The following ZPLD1 variants were observed in gnomAD, a reference collection of about 807,000 sequenced individuals.
The protein encoded by ZPLD1 is zona pellucida like domain containing 1, also known as zona pellucida-like domain-containing protein 1.
In ZPLD1, 34 loss-of-function variants were observed where a neutral mutation model predicts 47.2. The observed-to-expected ratio is 0.72, with a 90% CI of 0.55 to 0.96. The LOEUF (loss-of-function observed/expected upper bound fraction) is 0.96, where lower values mean the gene tolerates loss of function less well. Among genes scored for constraint, ZPLD1 ranks in the 40% least tolerant of loss-of-function variants. The pLI is 0.00. For missense variants in ZPLD1, 512 were observed against 505.8 expected (o/e 1.01, Z -0.12); for synonymous variants, 176 against 186.2 (o/e 0.95, Z 0.45).
At chr3:102,453,948 T>C (rs1707375714) in intron 4 of ZPLD1, among the ~76,000 whole-genome samples, 1 of 152,234 alleles carries the variant, frequency 6.6e-6, no homozygotes, top group Admixed American at 6.5e-5. Flanking sequence ...GAAATTCACT[T>C]AGTACTATTT....
chr3:102,385,338 T>C (rs1331350151), intron 6 of ZPLD1: 2 of 152,158 alleles, frequency 1.3e-5, no homozygotes, highest in Admixed American at 6.5e-5. Context: ...AGACTTTTGA[T>C]TTTGACAGCA....
chr3:102,450,146 T>C (rs1707314266), intron 3 of ZPLD1, among the ~76,000 whole-genome samples: 1 of 152,152 alleles, frequency 6.6e-6, no homozygotes, highest in African/African-American at 2.4e-5. Flanking sequence ...TAGGAGTTAC[T>C]TAGGCAAAGC....
rs1707605049 is a variant in ZPLD1, at chr3:102,467,012, C to T, written c.762-1952C>T. On this transcript the variant is annotated intron_variant, in intron 8 of 11. Transcript: ENST00000466937. ...AATTGAAGATTTCATTAAGTGGAAA[C>T]CAGGGGAAATATAAAAAGACATAGA... Among the ~76,000 whole-genome samples the T allele has an allele frequency of 2.6e-5, 4 of 151,508 alleles. No homozygotes were observed. The South Asian group carries it at 8.3e-4, about 32-fold the overall frequency.
chr3:102,417,987 G>A (rs2107303881), intron 7 of ZPLD1: 1 of 152,332 alleles, frequency 6.6e-6, no homozygotes, highest in East Asian at 1.9e-4. Flanking sequence ...GATTAGTTTT[G>A]TAAAACCTTG....
intron 3 of ZPLD1, among the ~76,000 whole-genome samples, chr3:102,452,698 T>C (rs759361307): frequency 3.9e-5 from 6 of 152,196 alleles, no homozygotes; most frequent in Non-Finnish European, 8.8e-5. Context: ...AGAGGTGAAC[T>C]GTAATCTCTA....
In ZPLD1 at chr3:102,478,984, A is replaced by C. The variant is rs558706864; in HGVS notation, c.*1366A>C. The C allele has an allele frequency of 1.3e-5, 2 of 152,200 alleles. No homozygotes were observed. The highest frequency in any genetic ancestry group is 1.3e-4 in the Admixed American group (2 of 15,270). 9.4% of individuals were successfully genotyped at this position (152,200 alleles called of 1,614,324 possible). A position where few individuals can be genotyped will look rare whatever the true frequency, so the allele number is the denominator to read the frequency against. On this transcript the variant is annotated 3_prime_UTR_variant, in exon 12 of 12. Coordinates refer to ENST00000466937, the MANE Select transcript of ZPLD1 (RefSeq NM_001329788.2). ...TATACTGCATGCAAATCATCAAGCA[A>C]TTGCTTCAAAGGAAATGTCTACAAT...
At chr3:102,477,066 A>T (rs748448515) in intron 11 of ZPLD1, 25 bp downstream of exon 11, 1 of 1,612,622 alleles carries the variant, frequency 6.2e-7, no homozygotes, top group Non-Finnish European at 8.5e-7. Context: ...ATATTTTGCA[A>T]TGTTTTTTAC....
exon 8 of ZPLD1, chr3:102,418,172 T>C (rs886794304): frequency 6.6e-6 from 1 of 152,602 alleles, no homozygotes; most frequent in African/African-American, 2.4e-5. Context: ...ACCTAGCACA[T>C]GGAGGACAGC....
At chr3:102,436,279 T>G (rs1294672642) in intron 1 of ZPLD1, among the ~76,000 whole-genome samples, 1 of 152,202 alleles carries the variant, frequency 6.6e-6, no homozygotes, top group African/African-American at 2.4e-5. Context: ...TCTAGTTTAG[T>G]CAATAATAAT....
intron 7 of ZPLD1, among the ~76,000 whole-genome samples, chr3:102,401,939 A>G (rs947322965): frequency 2.0e-5 from 3 of 152,062 alleles, no homozygotes; most frequent in Admixed American, 1.3e-4. Flanking sequence ...TTTTAAAACC[A>G]GTTTTCACCA....
intron 7 of ZPLD1, among the ~76,000 whole-genome samples, chr3:102,410,744 T>G (rs1265926532): frequency 6.6e-6 from 1 of 151,708 alleles, no homozygotes; most frequent in Non-Finnish European, 1.5e-5. Context: ...CACCTACAAG[T>G]GCATAGGAAA....
At chr3:102,417,039 T>C (rs933178698) in intron 7 of ZPLD1, among the ~76,000 whole-genome samples, 1 of 151,918 alleles carries the variant, frequency 6.6e-6, no homozygotes. Flanking sequence ...GCCGAACTCT[T>C]AGATTTTAAT....
At chr3:102,412,118 T>C (rs565248464) in intron 7 of ZPLD1, among the ~76,000 whole-genome samples, 4 of 151,856 alleles carry the variant, frequency 2.6e-5, no homozygotes, top group African/African-American at 9.6e-5. Context: ...GGCGTTCACA[T>C]TGGATGAGGC....
chr3:102,442,424 A>G (rs62272479), intron 3 of ZPLD1, among the ~76,000 whole-genome samples: 22,047 of 152,080 alleles, frequency 0.14, 1,639 homozygotes, highest in Middle Eastern at 0.18. Flanking sequence ...TAACACAAAT[A>G]TTAATAAAAT....
chr3:102,398,910 G>A (rs754595955), intron 7 of ZPLD1, among the ~76,000 whole-genome samples: 21 of 151,846 alleles, frequency 1.4e-4, no homozygotes, highest in South Asian at 2.1e-4. Context: ...ACATATGCAC[G>A]CACACACTTT....
In ZPLD1 at chr3:102,457,838, C is replaced by T. The variant is rs571453581; in HGVS notation, c.567C>T (p.Asn189=). 6.2e-7 allele frequency: 1 copy of T among 1,613,914 alleles called. No individual in the cohort carries two copies. The highest frequency in any genetic ancestry group is 8.5e-7 in the Non-Finnish European group (1 of 1,179,916). Residue 189 remains asparagine (N), a synonymous_variant, in exon 6 of 12, where the codon AAC becomes AAT. Transcript: ENST00000466937. ...ATGGCACATTTGTCAGCACTTTGAA[C>T]CTGCTCCTTTATAACGTAAGTTGAT... The part of the protein sequence containing the change: ...ENNGTFVSTL[N]LLLYNDSTYN...
intron 8 of ZPLD1, 131 bp downstream of exon 8, chr3:102,464,382 A>G: frequency 3.3e-6 from 2 of 600,990 alleles, no homozygotes; most frequent in South Asian, 3.0e-5. Context: ...TACATTTTGA[A>G]CTTTGAGTCC....
At chr3:102,429,554 TATATA>T (rs1706991355) in intron 8 of ZPLD1, among the ~76,000 whole-genome samples, 1 of 152,194 alleles carries the variant, frequency 6.6e-6, no homozygotes, top group Admixed American at 6.5e-5. Context: ...GGGGGAAAGT[TATATA>T]ATATATTTTT....
chr3:102,396,892 A>G (rs1330498283), intron 7 of ZPLD1, among the ~76,000 whole-genome samples: 2 of 152,144 alleles, frequency 1.3e-5, no homozygotes, highest in African/African-American at 4.8e-5. Context: ...AAATGATTAG[A>G]GCCCTGGCCC....
Sources: gnomAD v4.1 joint callset for allele counts (sites outside exome capture counted in the v4.1 genomes callset) on GRCh38, gnomAD v4.1.1 for gene constraint, MANE v1.5 for transcripts, NCBI Gene and HGNC (gene_info 2026-07-23, HGNC 2026-07-21) for gene names.